The following PAFAH1B2 variants were observed in gnomAD, a reference collection of about 807,000 sequenced individuals.
PAFAH1B2 encodes the protein platelet-activating factor acetylhydrolase IB subunit alpha2.
PAFAH1B2 carries 8 observed loss-of-function variants against 28.0 expected under a neutral mutation model. The observed-to-expected ratio is 0.29, with a 90% CI of 0.17 to 0.52. PAFAH1B2 has a LOEUF of 0.52. Among genes scored for constraint, PAFAH1B2 ranks in the 20% least tolerant of loss-of-function variants. The pLI is 0.97. For synonymous variants in PAFAH1B2, 104 were observed against 103.2 expected (o/e 1.01, Z -0.05); for missense variants, 190 against 282.6 (o/e 0.67, Z 2.35).
chr11:117,169,771 G>A lies in PAFAH1B2; in HGVS notation c.*2072G>A, dbSNP rs995029140. On this transcript the variant is annotated 3_prime_UTR_variant, in exon 6 of 6. Coordinates refer to ENST00000527958, the MANE Select transcript of PAFAH1B2 (RefSeq NM_002572.4). Reference sequence around the variant, plus strand: ...TTCTTAGCTGAGGTATAGTTGTATAGCAAGAAGAATTAAGCCAGATTTTTG... The same window carrying A: ...TTCTTAGCTGAGGTATAGTTGTATAACAAGAAGAATTAAGCCAGATTTTTG... 1.9e-6 allele frequency: 2 copies of A among 1,056,858 alleles called. No homozygotes were observed. The highest frequency in any genetic ancestry group is 1.1e-6 in the Non-Finnish European group (1 of 874,082). The allele number at this position is 1,056,858 out of a possible 1,614,324, so 65.5% of individuals were successfully genotyped here. A position where few individuals can be genotyped will look rare whatever the true frequency, so the allele number is the denominator to read the frequency against.
rs963473194 is a variant in PAFAH1B2 at position 117,157,875 on chromosome 11, C to A, written c.82-2059C>A. ...TAAACTGGTCTGGCACGGTAGTTCA[C>A]GCCTGTAATCCCAGCACTTTTGGAG... On this transcript the variant is annotated intron_variant, in intron 2 of 5. Transcript: ENST00000527958. Among the ~76,000 whole-genome samples the A allele has an allele frequency of 3.9e-5, 6 of 152,168 alleles. No individual in the cohort carries two copies. The East Asian group carries it at 1.2e-3, about 29-fold the overall frequency.
chr11:117,168,262 C>A lies in PAFAH1B2; in HGVS notation c.*563C>A. The stretch of plus-strand genomic sequence containing the variant: ...TGCTATAGTTAGAAGTGAATTTGTT[C>A]TGCTTTCTTAATCTTTTCCATGCTT... On this transcript the variant is annotated 3_prime_UTR_variant, in exon 6 of 6. Coordinates refer to ENST00000527958, the MANE Select transcript of PAFAH1B2 (RefSeq NM_002572.4). 1 of 1,062,686 alleles carries A rather than the reference C, an allele frequency of 9.4e-7. No individual in the cohort carries two copies. The highest frequency in any genetic ancestry group is 1.1e-6 in the Non-Finnish European group (1 of 877,708). 65.8% of individuals were successfully genotyped at this position (1,062,686 alleles called of 1,614,324 possible).
At position 117,144,290 on chromosome 11, in the gene PAFAH1B2, G is replaced by A. The variant is rs1307553372; in HGVS notation, c.-136G>A. ...GAGTGGCAGGGGAACCGGAAGTGGA[G>A]GAGCTGCTGCTGGTGCTGGGGCCGG... On this transcript the variant is annotated 5_prime_UTR_variant, in exon 1 of 6. Coordinates refer to ENST00000527958, the MANE Select transcript of PAFAH1B2 (RefSeq NM_002572.4). 8.0e-6 allele frequency: 3 copies of A among 375,910 alleles called. No homozygotes were observed. The highest frequency in any genetic ancestry group is 3.5e-5 in the South Asian group (2 of 56,886). The allele number at this position is 375,910 out of a possible 1,614,324, so 23.3% of individuals were successfully genotyped here.
chr11:117,148,055 T>C (rs1956056662), intron 1 of PAFAH1B2, among the ~76,000 whole-genome samples: 1 of 148,972 alleles, frequency 6.7e-6, no homozygotes, highest in African/African-American at 2.5e-5. Flanking sequence ...CTTTTTTTTT[T>C]CTTTTTTTTT....
At position 117,168,057 on chromosome 11, in the gene PAFAH1B2, A is replaced by G. The variant is rs1956552990; in HGVS notation, c.*358A>G. The G allele has an allele frequency of 9.4e-7, 1 of 1,061,712 alleles. No homozygotes were observed. The highest frequency in any genetic ancestry group is 1.6e-5 in the African/African-American group (1 of 61,068). The allele number at this position is 1,061,712 out of a possible 1,614,324, so 65.8% of individuals were successfully genotyped here. ...TCTTTTCTTGGCCTTTCTGTGGATT[A>G]TGTCATATATAATAATTATCAGAAT... On this transcript the variant is annotated 3_prime_UTR_variant, in exon 6 of 6. Coordinates refer to ENST00000527958, the MANE Select transcript of PAFAH1B2 (RefSeq NM_002572.4).
chr11:117,174,968 C>T, downstream of PAFAH1B2: 1 of 1,491,880 alleles, frequency 6.7e-7, no homozygotes, highest in Non-Finnish European at 8.9e-7. Flanking sequence ...TCCTCCCTGT[C>T]CTCTCACCCC....
chr11:117,170,067 A>G lies in PAFAH1B2; in HGVS notation c.*2368A>G, dbSNP rs1401952555. ...TAAATAAAATTCTGCCCCATTACTGATGTGCAGATATTGAGTTCACTTTCA... is the reference window on the plus strand; with the variant it reads ...TAAATAAAATTCTGCCCCATTACTGGTGTGCAGATATTGAGTTCACTTTCA... On this transcript the variant is annotated 3_prime_UTR_variant, in exon 6 of 6. Coordinates refer to ENST00000527958, the MANE Select transcript of PAFAH1B2 (RefSeq NM_002572.4). 1 of 1,055,636 alleles carries G rather than the reference A, an allele frequency of 9.5e-7. No individual in the cohort carries two copies. Among genetic ancestry groups the G allele is most frequent in the Non-Finnish European group, 1.1e-6 (1 of 873,404 alleles). 65.4% of individuals were successfully genotyped at this position (1,055,636 alleles called of 1,614,324 possible). A position where few individuals can be genotyped will look rare whatever the true frequency, so the allele number is the denominator to read the frequency against.
chr11:117,152,638 A>C (rs1956177804), intron 2 of PAFAH1B2, 110 bp downstream of exon 2: 4 of 756,746 alleles, frequency 5.3e-6, no homozygotes, highest in East Asian at 5.1e-5. Flanking sequence ...GGCTGATCTC[A>C]AACTGCAGGG....
At chr11:117,172,379 TATATATATATATATATATATATA>T (rs1956679542), downstream of PAFAH1B2, among the ~76,000 whole-genome samples, 12 of 3,356 alleles carry the variant, frequency 3.6e-3, 1 homozygote, top group East Asian at 0.012. Flanking sequence ...TATATATATA[TATATATATATATATATATATATA>T]TATTTTTTTT....
In PAFAH1B2 at chr11:117,170,865, G is replaced by C. The variant is rs778629739; in HGVS notation, c.*3166G>C. ...GAAGTGAGTTAGGGCCTCTTGAAAG[G>C]AGGCTTTTTGGAGAGGGGTCCCCCA... On this transcript the variant is annotated 3_prime_UTR_variant, in exon 6 of 6. Coordinates refer to ENST00000527958, the MANE Select transcript of PAFAH1B2 (RefSeq NM_002572.4). 8 of 1,060,842 alleles carry C rather than the reference G, an allele frequency of 7.5e-6. No homozygotes were observed. Among genetic ancestry groups the C allele is most frequent in the Non-Finnish European group, 9.1e-6 (8 of 876,384 alleles). 65.7% of individuals were successfully genotyped at this position (1,060,842 alleles called of 1,614,324 possible). A position where few individuals can be genotyped will look rare whatever the true frequency, so the allele number is the denominator to read the frequency against.
chr11:117,161,330 C>A, intron 4 of PAFAH1B2, 69 bp downstream of exon 4: 1 of 1,013,734 alleles, frequency 9.9e-7, no homozygotes, highest in African/African-American at 1.7e-5. Flanking sequence ...TTGTCTGAAA[C>A]TGTAAAAAAA....
rs544411847 is a variant in PAFAH1B2 at position 117,151,649 on chromosome 11, G to C, written c.-7-792G>C. 1.1e-3 allele frequency among the ~76,000 whole-genome samples: 172 copies of C among 152,178 alleles called. No homozygotes were observed. The Middle Eastern group carries it at 0.041, about 36-fold the overall frequency. On this transcript the variant is annotated intron_variant, in intron 1 of 5. Transcript: ENST00000527958. ...GTCATAATCTGTACTACAGTTATTTGTGTGATGTTTATTTAGTAACCAGTG... is the reference window on the plus strand; with the variant it reads ...GTCATAATCTGTACTACAGTTATTTCTGTGATGTTTATTTAGTAACCAGTG...
At chr11:117,177,525 C>T (rs553382194), downstream of PAFAH1B2, among the ~76,000 whole-genome samples, 4 of 152,064 alleles carry the variant, frequency 2.6e-5, no homozygotes, top group African/African-American at 7.2e-5. Flanking sequence ...GGAATATATA[C>T]GGTTTTATTT....
downstream of PAFAH1B2, among the ~76,000 whole-genome samples, chr11:117,172,369 TATATATATATATATATATATATA>T (rs1956672000): frequency 3.7e-3 from 6 of 1,642 alleles, no homozygotes; most frequent in Admixed American, 0.013. Context: ...TATATATATA[TATATATATATATATATATATATA>T]TATATATATA....
At chr11:117,175,856 G>GT (rs1413448961), downstream of PAFAH1B2, 1 of 1,510,144 alleles carries the variant, frequency 6.6e-7, no homozygotes, top group Non-Finnish European at 8.9e-7. Flanking sequence ...GAAGCCAGGA[G>GT]TTCAAGACCA....
At chr11:117,155,077 T>C (rs1215311270) in intron 2 of PAFAH1B2, among the ~76,000 whole-genome samples, 2 of 152,122 alleles carry the variant, frequency 1.3e-5, no homozygotes, top group Non-Finnish European at 2.9e-5. Context: ...TTCTACCTCC[T>C]GAATAGCTGG....
downstream of PAFAH1B2, among the ~76,000 whole-genome samples, chr11:117,173,517 T>C (rs186427309): frequency 1.3e-5 from 2 of 152,204 alleles, no homozygotes; most frequent in African/African-American, 4.8e-5. Context: ...CTTTTTTCTT[T>C]TTCTTTGAAT....
rs565578086 is a variant in PAFAH1B2 at position 117,158,924 on chromosome 11, C to T, written c.82-1010C>T. ...CCTCCCAAAGTGCTGGGATTACCGGCGTGAGCCACCGCACCATTTGGTTTT... is the reference window on the plus strand; with the variant it reads ...CCTCCCAAAGTGCTGGGATTACCGGTGTGAGCCACCGCACCATTTGGTTTT... On this transcript the variant is annotated intron_variant, in intron 2 of 5. Transcript: ENST00000527958. Among the ~76,000 whole-genome samples the T allele has an allele frequency of 9.7e-4, 147 of 152,254 alleles. 2 individuals are homozygous for T. Among genetic ancestry groups the T allele is most frequent in the African/African-American group, 3.1e-3 (130 of 41,560 alleles).
chr11:117,175,820 A>C (rs2029947469), downstream of PAFAH1B2: 6 of 1,302,122 alleles, frequency 4.6e-6, no homozygotes, highest in South Asian at 6.6e-5. Flanking sequence ...TAATCCAGCT[A>C]CTCGAGAGGC....
Sources: allele counts gnomAD v4.1 joint callset (sites outside exome capture counted in the v4.1 genomes callset), GRCh38; gene constraint gnomAD v4.1.1; transcripts MANE v1.5; gene names NCBI Gene and HGNC (gene_info 2026-07-23, HGNC 2026-07-21).